FBXO4: variants seen among roughly 807,000 people sequenced by gnomAD.
The protein encoded by FBXO4 is F-box protein 4, also known as F-box only protein 4.
In FBXO4, 36 loss-of-function variants were observed where a neutral mutation model predicts 43.7. The ratio of observed to expected loss-of-function variants is 0.82; its 90% CI spans 0.63 to 1.09. FBXO4 has a LOEUF of 1.09. FBXO4 is among the 50% of genes least tolerant of loss of function. FBXO4 has a pLI of 0.00. For synonymous variants in FBXO4, 180 were observed against 165.6 expected (o/e 1.09, Z -0.67); for missense variants, 435 against 474.1 (o/e 0.92, Z 0.77).
the FBXO4 span, among the ~76,000 whole-genome samples, chr5:41,984,527 T>C: frequency 6.6e-6 from 1 of 152,188 alleles, no homozygotes; most frequent in South Asian, 2.1e-4. Flanking sequence ...GGGCTTTGGA[T>C]CATCTTTCTT....
downstream of FBXO4, among the ~76,000 whole-genome samples, chr5:41,942,492 G>C (rs1184444136): frequency 1.3e-5 from 2 of 152,048 alleles, no homozygotes; most frequent in African/African-American, 4.8e-5. Flanking sequence ...AAATGAAATA[G>C]TGTAGTATCA....
At chr5:42,033,129 T>C in the FBXO4 span, among the ~76,000 whole-genome samples, 4 of 152,246 alleles carry the variant, frequency 2.6e-5, no homozygotes, top group African/African-American at 9.6e-5. Context: ...TCTCCTCTAC[T>C]TAAGTGGAAG....
the FBXO4 span, among the ~76,000 whole-genome samples, chr5:42,015,957 G>A: frequency 6.6e-6 from 1 of 152,096 alleles, no homozygotes; most frequent in Non-Finnish European, 1.5e-5. Context: ...GGAATGGCTG[G>A]GATGTGCTTA....
chr5:42,015,830 G>T, the FBXO4 span, among the ~76,000 whole-genome samples: 17 of 152,210 alleles, frequency 1.1e-4, no homozygotes, highest in East Asian at 3.3e-3. Flanking sequence ...AGTGATTCAA[G>T]ATATCTATGT....
the FBXO4 span, among the ~76,000 whole-genome samples, chr5:42,002,646 CT>C: frequency 6.6e-6 from 1 of 151,956 alleles, no homozygotes; most frequent in Admixed American, 6.6e-5. Context: ...ACGTTTTTTC[CT>C]TTTTGCTGCT....
chr5:42,038,593 T>C, the FBXO4 span, among the ~76,000 whole-genome samples: 25 of 152,116 alleles, frequency 1.6e-4, no homozygotes, highest in African/African-American at 6.0e-4. Flanking sequence ...ACCTGAAGCA[T>C]TTATCATTTC....
intron 5 of FBXO4, among the ~76,000 whole-genome samples, chr5:41,936,261 T>A (rs1236764111): frequency 6.6e-6 from 1 of 152,074 alleles, no homozygotes; most frequent in East Asian, 1.9e-4. Context: ...AATAACTGAT[T>A]AAGAGATCTA....
chr5:42,003,171 G>A, the FBXO4 span, among the ~76,000 whole-genome samples: 130 of 152,280 alleles, frequency 8.5e-4, no homozygotes, highest in Non-Finnish European at 1.6e-3. Context: ...GTAACTTTAA[G>A]CAACTCAGAC....
chr5:41,939,160 C>T (rs563235159), intron 5 of FBXO4: 1 of 234,460 alleles, frequency 4.3e-6, no homozygotes, highest in Non-Finnish European at 8.3e-6. Context: ...TGTTGGTATT[C>T]ATAAAAAAAG....
chr5:41,999,514 TATATATATACATATATATATAC>T, the FBXO4 span, among the ~76,000 whole-genome samples: 4 of 119,392 alleles, frequency 3.4e-5, no homozygotes, highest in African/African-American at 1.6e-4. Context: ...TGTGTATATA[TATATATATACATATATATATAC>T]ATATATATGT....
At chr5:42,017,189 A>C in the FBXO4 span, among the ~76,000 whole-genome samples, 154 of 152,244 alleles carry the variant, frequency 1.0e-3, no homozygotes, top group African/African-American at 3.4e-3. Flanking sequence ...TAGTAACAAC[A>C]AAATGTATCT....
chr5:41,997,046 C>T, the FBXO4 span, among the ~76,000 whole-genome samples: 1 of 152,284 alleles, frequency 6.6e-6, no homozygotes, highest in Non-Finnish European at 1.5e-5. Flanking sequence ...TGATAAACAC[C>T]TGAGATAGGA....
intron 1 of FBXO4, among the ~76,000 whole-genome samples, chr5:41,925,715 C>T (rs1467746670): frequency 6.6e-6 from 1 of 151,976 alleles, no homozygotes; most frequent in African/African-American, 2.4e-5. Flanking sequence ...CCGAACATCT[C>T]AGGGAAGCAC....
chr5:41,986,515 A>G, the FBXO4 span, among the ~76,000 whole-genome samples: 1 of 152,204 alleles, frequency 6.6e-6, no homozygotes, highest in Non-Finnish European at 1.5e-5. Flanking sequence ...ATTCTGAAAC[A>G]TAATTGAATT....
the FBXO4 span, among the ~76,000 whole-genome samples, chr5:41,965,927 A>G: frequency 3.3e-5 from 5 of 152,260 alleles, no homozygotes; most frequent in Non-Finnish European, 7.3e-5. Flanking sequence ...AGTCTGGATT[A>G]AGAAAATGTG....
chr5:42,008,212 T>C, the FBXO4 span, among the ~76,000 whole-genome samples: 127 of 152,250 alleles, frequency 8.3e-4, no homozygotes, highest in Admixed American at 3.1e-3. Context: ...ACAAAATCAA[T>C]AGGTGAAGGG....
chr5:42,026,744 A>T, the FBXO4 span, among the ~76,000 whole-genome samples: 1 of 151,410 alleles, frequency 6.6e-6, no homozygotes, highest in South Asian at 2.1e-4. Flanking sequence ...TTCTACACCC[A>T]GTTTTTTATA....
the FBXO4 span, among the ~76,000 whole-genome samples, chr5:41,971,555 G>T: frequency 1.3e-5 from 2 of 151,792 alleles, no homozygotes; most frequent in African/African-American, 4.8e-5. Context: ...AATCTTCCTG[G>T]AAATAATGAT....
At chr5:41,949,041 C>T in the FBXO4 span, among the ~76,000 whole-genome samples, 2 of 152,144 alleles carry the variant, frequency 1.3e-5, no homozygotes, top group Non-Finnish European at 2.9e-5. Flanking sequence ...TCTCGATAAA[C>T]TAGGTATTGA....
Sources: gnomAD v4.1 joint callset for allele counts (sites outside exome capture counted in the v4.1 genomes callset) on GRCh38, gnomAD v4.1.1 for gene constraint, MANE v1.5 for transcripts, NCBI Gene and HGNC (gene_info 2026-07-23, HGNC 2026-07-21) for gene names.